CFAP210: variants seen among roughly 807,000 people sequenced by gnomAD.
CFAP210 encodes cilia and flagella associated protein 210.
chr2:169,649,348 T>G, the CFAP210 span: 1 of 1,608,102 alleles, frequency 6.2e-7, no homozygotes, highest in South Asian at 1.1e-5. Context: ...ATTTTTCATC[T>G]AGATGTTTAA....
chr2:169,676,114 T>G, the CFAP210 span, among the ~76,000 whole-genome samples: 4 of 152,202 alleles, frequency 2.6e-5, no homozygotes, highest in Non-Finnish European at 5.9e-5. Flanking sequence ...CCAGTATCAG[T>G]TGTTGAATTC....
the CFAP210 span, chr2:169,649,214 G>A: frequency 3.1e-6 from 5 of 1,612,924 alleles, no homozygotes; most frequent in Non-Finnish European, 4.2e-6. Flanking sequence ...TGAACCTCTT[G>A]ATGTTCTTTA....
the CFAP210 span, among the ~76,000 whole-genome samples, chr2:169,653,033 T>A: frequency 0.034 from 604 of 17,854 alleles, 9 homozygotes; most frequent in East Asian, 0.043. Context: ...AAAAAAAATA[T>A]ATATATATAT....
At chr2:169,690,134 A>G in the CFAP210 span, among the ~76,000 whole-genome samples, 1 of 152,090 alleles carries the variant, frequency 6.6e-6, no homozygotes, top group South Asian at 2.1e-4. Context: ...TCAGCCTCCC[A>G]AGTAGCTGGG....
At chr2:169,666,989 T>G in the CFAP210 span, among the ~76,000 whole-genome samples, 28 of 152,264 alleles carry the variant, frequency 1.8e-4, no homozygotes, top group African/African-American at 6.7e-4. Context: ...TAATTCTAGT[T>G]ATCTTGCTAT....
chr2:169,659,955 C>T, the CFAP210 span, among the ~76,000 whole-genome samples: 1 of 152,094 alleles, frequency 6.6e-6, no homozygotes, highest in African/African-American at 2.4e-5. Context: ...CTCATACTAG[C>T]CTCTAATGAT....
the CFAP210 span, among the ~76,000 whole-genome samples, chr2:169,657,074 C>A: frequency 1.3e-5 from 2 of 151,306 alleles, no homozygotes; most frequent in South Asian, 4.2e-4. Flanking sequence ...GACACCCCTG[C>A]ACTTTAAACC....
the CFAP210 span, among the ~76,000 whole-genome samples, chr2:169,692,662 T>C: frequency 7.2e-5 from 11 of 152,244 alleles, no homozygotes; most frequent in African/African-American, 2.7e-4. Flanking sequence ...CACATGCCTC[T>C]GATAGCTGTG....
the CFAP210 span, among the ~76,000 whole-genome samples, chr2:169,666,875 T>G: frequency 6.6e-6 from 1 of 152,212 alleles, no homozygotes; most frequent in Non-Finnish European, 1.5e-5. Flanking sequence ...AGATTCCATC[T>G]CAAGAAACCA....
chr2:169,659,613 T>C, the CFAP210 span, among the ~76,000 whole-genome samples: 85 of 152,238 alleles, frequency 5.6e-4, no homozygotes, highest in Non-Finnish European at 9.9e-4. Flanking sequence ...AGGACCCACC[T>C]CCAACACTTG....
At chr2:169,649,438 G>C in the CFAP210 span, 1 of 1,186,422 alleles carries the variant, frequency 8.4e-7, no homozygotes, top group Non-Finnish European at 1.2e-6. Flanking sequence ...TGAAGCAGAG[G>C]AGAGTCAGCC....
the CFAP210 span, chr2:169,675,165 A>C: frequency 1.4e-6 from 1 of 737,032 alleles, no homozygotes; most frequent in Non-Finnish European, 1.9e-6. Flanking sequence ...TTATTAATAA[A>C]TAAAATGAGG....
the CFAP210 span, among the ~76,000 whole-genome samples, chr2:169,680,071 C>G: frequency 0.41 from 61,765 of 151,666 alleles, 12,804 homozygotes; most frequent in Non-Finnish European, 0.44. Context: ...AGCTCAATGA[C>G]AAAACTAATT....
chr2:169,674,927 C>A, the CFAP210 span: 3 of 1,535,990 alleles, frequency 2.0e-6, no homozygotes, highest in African/African-American at 2.8e-5. Context: ...TTTCAATGGC[C>A]TTTTTTCTTT....
chr2:169,647,116 A>G, the CFAP210 span, among the ~76,000 whole-genome samples: 7 of 152,162 alleles, frequency 4.6e-5, no homozygotes, highest in African/African-American at 1.7e-4. Context: ...TTCAGTTTAC[A>G]TACTATTTGT....
the CFAP210 span, chr2:169,681,368 C>A: frequency 1.3e-6 from 1 of 746,438 alleles, no homozygotes; most frequent in Admixed American, 2.3e-5. Flanking sequence ...ATCCTAAGAA[C>A]AGCTATGATT....
At chr2:169,674,768 G>A in the CFAP210 span, 8 of 1,550,174 alleles carry the variant, frequency 5.2e-6, no homozygotes, top group African/African-American at 2.8e-5. Context: ...AAGAAGTCCC[G>A]ACTACAAAAG....
At chr2:169,665,338 T>C in the CFAP210 span, among the ~76,000 whole-genome samples, 1 of 152,084 alleles carries the variant, frequency 6.6e-6, no homozygotes, top group African/African-American at 2.4e-5. Flanking sequence ...CAGGCTGGAG[T>C]GTAGTGGTAC....
chr2:169,658,980 G>T, the CFAP210 span: 1 of 168,584 alleles, frequency 5.9e-6, no homozygotes, highest in East Asian at 1.8e-4. Context: ...AAGTAGCCAG[G>T]CATAGTGGTG....
Sources: gnomAD v4.1 joint callset for allele counts (sites outside exome capture counted in the v4.1 genomes callset) on GRCh38, gnomAD v4.1.1 for gene constraint, MANE v1.5 for transcripts, NCBI Gene and HGNC (gene_info 2026-07-23, HGNC 2026-07-21) for gene names.